Variants in CLEC2D observed in about 807,000 individuals in gnomAD.
CLEC2D encodes C-type lectin related f.
CLEC2D carries 16 observed loss-of-function variants against 20.0 expected under a neutral mutation model. The ratio of observed to expected loss-of-function variants is 0.80; its 90% CI spans 0.54 to 1.22. The LOEUF (loss-of-function observed/expected upper bound fraction) is 1.22. Ranked by LOEUF, CLEC2D falls within the 50% of genes most tolerant of loss-of-function variation. The pLI is 0.00. For missense variants in CLEC2D, 207 were observed against 221.5 expected, an observed-to-expected ratio of 0.93 and a Z score of 0.42; for synonymous variants, 77 against 71.1, an observed-to-expected ratio of 1.08 and a Z score of -0.42.
chr12:9,695,886 T>A lies in CLEC2D; in HGVS notation c.*1012T>A. On this transcript the variant is annotated 3_prime_UTR_variant, in exon 5 of 5. Coordinates refer to ENST00000290855, the MANE Select transcript of CLEC2D (RefSeq NM_013269.6). ...ATGATGATGATGAAGATGATGATGA[T>A]GATGATGACGAGGAAGCTGAAGAAA... The A allele has an allele frequency of 1.8e-6, 2 of 1,089,266 alleles. No homozygotes were observed. Among genetic ancestry groups the A allele is most frequent in the Non-Finnish European group, 1.4e-6 (1 of 716,036 alleles). The allele number at this position is 1,089,266 out of a possible 1,614,324, so 67.5% of individuals were successfully genotyped here. A position where few individuals can be genotyped will look rare whatever the true frequency, so the allele number is the denominator to read the frequency against.
intron 4 of CLEC2D, chr12:9,693,783 C>G (rs1433194147): frequency 9.1e-6 from 4 of 440,964 alleles, no homozygotes; most frequent in Non-Finnish European, 1.4e-5. Context: ...ATTTTCTCTA[C>G]CTAATTCTTA....
At chr12:9,683,322 G>GTTTTTTT (rs1226655704) in intron 2 of CLEC2D, among the ~76,000 whole-genome samples, 1 of 80,878 alleles carries the variant, frequency 1.2e-5, no homozygotes, top group African/African-American at 6.2e-5. Flanking sequence ...ATGATAGTTT[G>GTTTTTTT]TTTTTTGTGT....
In CLEC2D at chr12:9,683,322, G is replaced by GTTTTTTTTTTTT. The variant is rs1226655704; in HGVS notation, c.172+2295_172+2296insTTTTTTTTTTTT. On this transcript the variant is annotated intron_variant, in intron 2 of 4. Transcript: ENST00000290855. ...TGCCTGTTCACTCTGATGATAGTTT[G>GTTTTTTTTTTTT]TTTTTTGTGTTTGTTTTTTTTTTTT... 9.9e-5 allele frequency among the ~76,000 whole-genome samples: 8 copies of GTTTTTTTTTTTT among 80,880 alleles called. 3 individuals are homozygous for GTTTTTTTTTTTT. Among genetic ancestry groups the GTTTTTTTTTTTT allele is most frequent in the African/African-American group, 1.2e-4 (2 of 16,130 alleles). 53.1% of individuals were successfully genotyped at this position (80,880 alleles called of 152,430 possible).
At chr12:9,686,336 G>A (rs1203783359) in intron 2 of CLEC2D, among the ~76,000 whole-genome samples, 1 of 151,950 alleles carries the variant, frequency 6.6e-6, no homozygotes, top group African/African-American at 2.4e-5. Context: ...CTTTAAATTG[G>A]TTGATACAGG....
chr12:9,682,157 T>A (rs1865648785), intron 2 of CLEC2D, among the ~76,000 whole-genome samples: 3 of 152,196 alleles, frequency 2.0e-5, no homozygotes, highest in Admixed American at 1.3e-4. Flanking sequence ...AGCCAATAGC[T>A]GGAGCCATCT....
intron 2 of CLEC2D, among the ~76,000 whole-genome samples, chr12:9,684,675 G>T (rs760144554): frequency 1.3e-5 from 2 of 152,184 alleles, no homozygotes; most frequent in East Asian, 3.9e-4. Flanking sequence ...TTATGTAATG[G>T]ATTACATTTA....
chr12:9,694,987 C>A lies in CLEC2D; in HGVS notation c.*113C>A. The A allele has an allele frequency of 1.6e-6, 1 of 633,862 alleles. No homozygotes were observed. The allele number at this position is 633,862 out of a possible 1,614,324, so 39.3% of individuals were successfully genotyped here. Reference sequence around the variant, plus strand: ...ACCAACAGGTATATGAAAATATGCTCAATATCACTAATAACTGGGAAAATA... The same window carrying A: ...ACCAACAGGTATATGAAAATATGCTAAATATCACTAATAACTGGGAAAATA... On this transcript the variant is annotated 3_prime_UTR_variant, in exon 5 of 5. Coordinates refer to ENST00000290855, the MANE Select transcript of CLEC2D (RefSeq NM_013269.6).
At chr12:9,685,385 C>T (rs1316500162) in intron 2 of CLEC2D, among the ~76,000 whole-genome samples, 1 of 152,200 alleles carries the variant, frequency 6.6e-6, no homozygotes, top group Non-Finnish European at 1.5e-5. Flanking sequence ...AGATCCACTG[C>T]TCTTTTCAGA....
chr12:9,672,448 A>G (rs1429402259), intron 1 of CLEC2D, among the ~76,000 whole-genome samples: 1 of 152,170 alleles, frequency 6.6e-6, no homozygotes, highest in Non-Finnish European at 1.5e-5. Flanking sequence ...AAAATTCATA[A>G]TCTGATGGAC....
rs1040562037 is a variant in CLEC2D, at chr12:9,699,505, C to G, written c.*4631C>G. 1 of 152,024 alleles carries G rather than the reference C, an allele frequency of 6.6e-6. No homozygotes were observed. Among genetic ancestry groups the G allele is most frequent in the Non-Finnish European group, 1.5e-5 (1 of 67,986 alleles). 9.4% of individuals were successfully genotyped at this position (152,024 alleles called of 1,614,324 possible). On this transcript the variant is annotated 3_prime_UTR_variant, in exon 5 of 5. Transcript: ENST00000290855. ...GCACAATATTATTTTCATGAAATTA[C>G]TTCTAGTATAATTCTGAATAAACAC... is the stretch of plus-strand genomic sequence containing the variant.
chr12:9,679,709 G>T (rs934757873), intron 1 of CLEC2D, among the ~76,000 whole-genome samples: 5 of 152,108 alleles, frequency 3.3e-5, no homozygotes, highest in African/African-American at 4.8e-5. Flanking sequence ...TATTGATTAA[G>T]ACAAATATCT....
At chr12:9,687,639 C>G (rs1025980897) in intron 2 of CLEC2D, among the ~76,000 whole-genome samples, 1 of 152,168 alleles carries the variant, frequency 6.6e-6, no homozygotes, top group Non-Finnish European at 1.5e-5. Context: ...CAAATAGATA[C>G]ATGGCCCAGA....
chr12:9,676,842 A>T (rs2114871), intron 1 of CLEC2D, among the ~76,000 whole-genome samples: 54,332 of 152,046 alleles, frequency 0.36, 11,160 homozygotes, highest in East Asian at 0.59. Flanking sequence ...TAATAAATGT[A>T]AACATATTTA....
At position 9,687,917 on chromosome 12, in the gene CLEC2D, G is replaced by T; in HGVS notation, c.188G>T (p.Cys63Phe). The T allele has an allele frequency of 6.3e-7, 1 of 1,584,168 alleles. No homozygotes were observed. Among genetic ancestry groups the T allele is most frequent in the Non-Finnish European group, 8.6e-7 (1 of 1,164,366 alleles). ...TTATTTTCAGCAATAAGAGCTAACT[G>T]CCATCAAGAGCCATCAGTATGTCTT... Reference protein sequence around the residue: ...VAALSAIRANCHQEPSVCLQA... With the variant: ...VAALSAIRANFHQEPSVCLQA... The change falls in exon 3 of 5, where the codon TGC becomes TTC. Residue 63 changes from cysteine (C) to phenylalanine (F), a missense_variant. Cys to Phe is a radical substitution (Grantham distance 205). Transcript: ENST00000290855.
In CLEC2D at chr12:9,671,958, GTTTT is replaced by G. The variant is rs776890057; in HGVS notation, c.61+2170_61+2173del. On this transcript the variant is annotated intron_variant, in intron 1 of 4. Transcript: ENST00000290855. ...TCACAGCAAAATTGTGAGAAAGGTA[GTTTT>G]TTTTTTCATTTTCTCCTTGTTGCCA... Among the ~76,000 whole-genome samples the G allele has an allele frequency of 1.7e-3, 249 of 148,864 alleles. 2 individuals are homozygous for G. The highest frequency in any genetic ancestry group is 2.0e-3 in the African/African-American group (80 of 40,702).
Position 9,695,935 on chromosome 12 carries a change from C to T in CLEC2D, c.*1061C>T, listed in dbSNP as rs1324978969. 1.1e-4 allele frequency: 160 copies of T among 1,476,226 alleles called. No individual in the cohort carries two copies. The highest frequency in any genetic ancestry group is 1.3e-4 in the Non-Finnish European group (143 of 1,069,964). 91.4% of individuals were successfully genotyped at this position (1,476,226 alleles called of 1,614,324 possible). The stretch of plus-strand genomic sequence containing the variant: ...AAAAGCGCCAGTGAAGAAATCTATA[C>T]GAGATACTCCAGCCAAAAATGCACA... On this transcript the variant is annotated 3_prime_UTR_variant, in exon 5 of 5. Coordinates refer to ENST00000290855, the MANE Select transcript of CLEC2D (RefSeq NM_013269.6).
At chr12:9,688,190 A>ATTTTTTTTT (rs71045286) in intron 3 of CLEC2D, 104 bp downstream of exon 3, 163 of 786,664 alleles carry the variant, frequency 2.1e-4, no homozygotes, top group African/African-American at 5.2e-4. Context: ...TTTTACATTG[A>ATTTTTTTTT]TTTTTTTTTT....
Position 9,697,507 on chromosome 12 carries a change from G to T in CLEC2D, c.*2633G>T, listed in dbSNP as rs759813583. The T allele has an allele frequency of 6.6e-6, 1 of 151,506 alleles. No homozygotes were observed. Among genetic ancestry groups the T allele is most frequent in the East Asian group, 1.9e-4 (1 of 5,184 alleles). 9.4% of individuals were successfully genotyped at this position (151,506 alleles called of 1,614,324 possible). A position where few individuals can be genotyped will look rare whatever the true frequency, so the allele number is the denominator to read the frequency against. On this transcript the variant is annotated 3_prime_UTR_variant, in exon 5 of 5. Coordinates refer to ENST00000290855, the MANE Select transcript of CLEC2D (RefSeq NM_013269.6). Reference sequence around the variant, plus strand: ...GGGCTCTCAGCTCTGAAGGCTGTGAGACCCCTGATTTCCCACTTCACACCT... The same window carrying T: ...GGGCTCTCAGCTCTGAAGGCTGTGATACCCCTGATTTCCCACTTCACACCT...
At chr12:9,670,114 A>G (rs1454927309) in intron 1 of CLEC2D, among the ~76,000 whole-genome samples, 1 of 152,208 alleles carries the variant, frequency 6.6e-6, no homozygotes, top group Non-Finnish European at 1.5e-5. Flanking sequence ...CAGATACAAG[A>G]TACCATCATT....
Sources: allele counts gnomAD v4.1 joint callset (sites outside exome capture counted in the v4.1 genomes callset), GRCh38; gene constraint gnomAD v4.1.1; transcripts MANE v1.5; gene names NCBI Gene and HGNC (gene_info 2026-07-23, HGNC 2026-07-21).